PCDHB15: variants seen among roughly 807,000 people sequenced by gnomAD.
The protein encoded by PCDHB15 is protocadherin beta-15.
For missense variants in PCDHB15, 1,032 were observed against 991.7 expected (o/e 1.04, Z -0.55); for synonymous variants, 492 against 447.9 (o/e 1.10, Z -1.24).
rs543178720 is a variant in PCDHB15 at position 141,247,017 on chromosome 5, C to G, written c.1439C>G (p.Ser480Trp). The part of the protein sequence containing the change: ...IGSVSATDRD[S>W]GTNAQVTYSL... The stretch of plus-strand genomic sequence containing the variant: ...AGTGTCAGCGCCACAGACAGAGACT[C>G]GGGCACCAACGCCCAGGTCACCTAC... Residue 480 changes from serine (S) to tryptophan (W), a missense_variant, in exon 1 of 1, where the codon TCG (serine) becomes TGG (tryptophan). By Grantham distance (177) the Ser-to-Trp change is radical. Coordinates refer to ENST00000231173, the MANE Select transcript of PCDHB15 (RefSeq NM_018935.4). 1 of 1,613,508 alleles carries G rather than the reference C, an allele frequency of 6.2e-7. No homozygotes were observed. The highest frequency in any genetic ancestry group is 8.5e-7 in the Non-Finnish European group (1 of 1,180,020).
Position 141,247,814 on chromosome 5 carries a change from T to C in PCDHB15, c.2236T>C (p.Ser746Pro), listed in dbSNP as rs1554292341. The change falls in exon 1 of 1, where the codon TCC becomes CCC. Residue 746 changes from serine to proline, a missense_variant. Transcript: ENST00000231173. ...GGACGTGAGCGGCACCGGGACCCTT[T>C]CCCAGAGCTACCAGTACGAGGTGTG... is the stretch of plus-strand genomic sequence containing the variant. ...LVDVSGTGTL[S>P]QSYQYEVCLT... 6 of 1,614,146 alleles carry C rather than the reference T, an allele frequency of 3.7e-6. No homozygotes were observed. The highest frequency in any genetic ancestry group is 5.1e-6 in the Non-Finnish European group (6 of 1,180,026).
In PCDHB15 at chr5:141,246,683, A is replaced by G. The variant is rs1381269892; in HGVS notation, c.1105A>G (p.Arg369Gly). The G allele has an allele frequency of 6.2e-7, 1 of 1,614,010 alleles. No individual in the cohort carries two copies. Among genetic ancestry groups the G allele is most frequent in the Non-Finnish European group, 8.5e-7 (1 of 1,180,018 alleles). ...TCCAGAGACAGAAGTGGCCCTGTTT[A>G]GGATTAGAGACCGAGACTCTGGGGA... ...NSPETEVALFRIRDRDSGENG... is the reference protein window; with the variant it reads ...NSPETEVALFGIRDRDSGENG... The change falls in exon 1 of 1, where the codon AGG becomes GGG. Residue 369 changes from arginine (R) to glycine (G), a missense_variant. Physicochemically the swap from Arg to Gly is moderately radical, Grantham distance 125. Coordinates refer to ENST00000231173, the MANE Select transcript of PCDHB15 (RefSeq NM_018935.4).
At position 141,248,415 on chromosome 5, in the gene PCDHB15, T is replaced by C. The variant is rs1554292456; in HGVS notation, c.*473T>C. ...AAGCTTCATATTTGGAGTTTTGTTT[T>C]TTCCAATAAGGAGCAACATGGATAA... is the stretch of plus-strand genomic sequence containing the variant. On this transcript the variant is annotated 3_prime_UTR_variant, in exon 1 of 1. Coordinates refer to ENST00000231173, the MANE Select transcript of PCDHB15 (RefSeq NM_018935.4). The C allele has an allele frequency of 6.4e-6, 1 of 155,648 alleles. No homozygotes were observed. The highest frequency in any genetic ancestry group is 2.4e-5 in the African/African-American group (1 of 41,468). The allele number at this position is 155,648 out of a possible 1,614,324, so 9.6% of individuals were successfully genotyped here. A position where few individuals can be genotyped will look rare whatever the true frequency, so the allele number is the denominator to read the frequency against.
In PCDHB15 at chr5:141,245,466, C is replaced by T. The variant is rs77130508; in HGVS notation, c.-113C>T. The T allele has an allele frequency of 1.2e-3, 1,072 of 868,980 alleles. 13 individuals are homozygous for T. In the African/African-American group the frequency reaches 0.017, roughly 13 times the overall value. 53.8% of individuals were successfully genotyped at this position (868,980 alleles called of 1,614,324 possible). A position where few individuals can be genotyped will look rare whatever the true frequency, so the allele number is the denominator to read the frequency against. Reference sequence around the variant, plus strand: ...CAGTGTCTCCGGAGAATGCTATTCTCCTACATTTCCGAACAGGTTATCAAC... The same window carrying T: ...CAGTGTCTCCGGAGAATGCTATTCTTCTACATTTCCGAACAGGTTATCAAC... On this transcript the variant is annotated 5_prime_UTR_variant, in exon 1 of 1. Transcript: ENST00000231173.
In PCDHB15 at chr5:141,245,493, C is replaced by A; in HGVS notation, c.-86C>A. Reference sequence around the variant, plus strand: ...TACATTTCCGAACAGGTTATCAACGCACAGATCGATCACTGCCTCTGTCCC... The same window carrying A: ...TACATTTCCGAACAGGTTATCAACGAACAGATCGATCACTGCCTCTGTCCC... On this transcript the variant is annotated 5_prime_UTR_variant, in exon 1 of 1. Coordinates refer to ENST00000231173, the MANE Select transcript of PCDHB15 (RefSeq NM_018935.4). 8.6e-7 allele frequency: 1 copy of A among 1,165,802 alleles called. No homozygotes were observed. The highest frequency in any genetic ancestry group is 1.2e-6 in the Non-Finnish European group (1 of 809,906). The allele number at this position is 1,165,802 out of a possible 1,614,324, so 72.2% of individuals were successfully genotyped here. A position where few individuals can be genotyped will look rare whatever the true frequency, so the allele number is the denominator to read the frequency against.
Position 141,248,036 on chromosome 5 carries a change from A to C in PCDHB15, c.*94A>C, listed in dbSNP as rs1355743065. On this transcript the variant is annotated 3_prime_UTR_variant, in exon 1 of 1. Coordinates refer to ENST00000231173, the MANE Select transcript of PCDHB15 (RefSeq NM_018935.4). ...TAACCCTTTAGTAATCTTGAATTCT[A>C]CTTTTTTTTAAATTTCTACTGTTGT... 1.6e-6 allele frequency: 2 copies of C among 1,245,038 alleles called. No individual in the cohort carries two copies. The highest frequency in any genetic ancestry group is 2.2e-6 in the Non-Finnish European group (2 of 919,008). 77.1% of individuals were successfully genotyped at this position (1,245,038 alleles called of 1,614,324 possible).
rs782283194 is a variant in PCDHB15, at chr5:141,245,791, C to T, written c.213C>T (p.Asn71=). 1.2e-6 allele frequency: 2 copies of T among 1,614,132 alleles called. No homozygotes were observed. The highest frequency in any genetic ancestry group is 1.3e-5 in the African/African-American group (1 of 75,038). ...GAGCCCGGGTAGTTTCTGAGGATAA[C>T]GAACAAGGCTTGCAGCTTGATCTGC... ...ERGARVVSED[N]EQGLQLDLQT... is the part of the protein sequence containing the mutation. Residue 71 remains asparagine (N), a synonymous_variant, in exon 1 of 1, where the codon AAC becomes AAT. Coordinates refer to ENST00000231173, the MANE Select transcript of PCDHB15 (RefSeq NM_018935.4).
Position 141,248,029 on chromosome 5 carries a change from G to A in PCDHB15, c.*87G>A, listed in dbSNP as rs1322071838. Reference sequence around the variant, plus strand: ...TTTTTTTTAACCCTTTAGTAATCTTGAATTCTACTTTTTTTTAAATTTCTA... The same window carrying A: ...TTTTTTTTAACCCTTTAGTAATCTTAAATTCTACTTTTTTTTAAATTTCTA... On this transcript the variant is annotated 3_prime_UTR_variant, in exon 1 of 1. Coordinates refer to ENST00000231173, the MANE Select transcript of PCDHB15 (RefSeq NM_018935.4). 7.6e-7 allele frequency: 1 copy of A among 1,310,072 alleles called. No individual in the cohort carries two copies. The highest frequency in any genetic ancestry group is 1.0e-6 in the Non-Finnish European group (1 of 971,724). The allele number at this position is 1,310,072 out of a possible 1,614,324, so 81.2% of individuals were successfully genotyped here. A position where few individuals can be genotyped will look rare whatever the true frequency, so the allele number is the denominator to read the frequency against.
rs955351593 is a variant in PCDHB15, at chr5:141,248,667, T to G, written c.*725T>G. 6.6e-5 allele frequency: 10 copies of G among 152,172 alleles called. No individual in the cohort carries two copies. The highest frequency in any genetic ancestry group is 2.4e-4 in the African/African-American group (10 of 41,444). The allele number at this position is 152,172 out of a possible 1,614,324, so 9.4% of individuals were successfully genotyped here. On this transcript the variant is annotated 3_prime_UTR_variant, in exon 1 of 1. Coordinates refer to ENST00000231173, the MANE Select transcript of PCDHB15 (RefSeq NM_018935.4). The stretch of plus-strand genomic sequence containing the variant: ...ATTTACTGTGTTTAAGGTGTTCGTA[T>G]AAGGCCAATAGACACTAGGACCAAG...
rs781984913 is a variant in PCDHB15 at position 141,247,417 on chromosome 5, G to T, written c.1839G>T (p.Gly613=). The change falls in exon 1 of 1, where the codon GGG becomes GGT. Residue 613 remains glycine (G), a synonymous_variant. Transcript: ENST00000231173. ...SYQLLKATEP[G]LFGVWAHNGE... is the part of the protein sequence containing the mutation. ...AGCTGCTCAAGGCCACGGAGCCCGG[G>T]CTGTTCGGCGTGTGGGCGCACAATG... 182 of 1,605,740 alleles carry T rather than the reference G, an allele frequency of 1.1e-4. No homozygotes were observed. Among genetic ancestry groups the T allele is most frequent in the Middle Eastern group, 1.1e-3 (5 of 4,452 alleles).
chr5:141,246,988 C>T lies in PCDHB15; in HGVS notation c.1410C>T (p.Ile470=), dbSNP rs782099700. 5.6e-6 allele frequency: 9 copies of T among 1,613,392 alleles called. No homozygotes were observed. The highest frequency in any genetic ancestry group is 3.3e-5 in the Admixed American group (2 of 60,032). ...VRENNSPALH[I]GSVSATDRDS... The stretch of plus-strand genomic sequence containing the variant: ...AGAACAACAGCCCCGCCCTGCACAT[C>T]GGCAGTGTCAGCGCCACAGACAGAG... Residue 470 remains isoleucine (I), a synonymous_variant, in exon 1 of 1, where the codon ATC becomes ATT. Transcript: ENST00000231173.
rs914767850 is a variant in PCDHB15, at chr5:141,249,319, T to A, written c.*1377T>A. 1.4e-3 allele frequency: 206 copies of A among 152,378 alleles called. No homozygotes were observed. Among genetic ancestry groups the A allele is most frequent in the African/African-American group, 4.3e-3 (177 of 41,588 alleles). The allele number at this position is 152,378 out of a possible 1,614,324, so 9.4% of individuals were successfully genotyped here. On this transcript the variant is annotated 3_prime_UTR_variant, in exon 1 of 1. Coordinates refer to ENST00000231173, the MANE Select transcript of PCDHB15 (RefSeq NM_018935.4). ...GATTTTGGACTTGTCCAGCCACGTT[T>A]CAAAACTGAGTAAGTCACTTCCTTG...
rs1755241930 is a variant in PCDHB15 at position 141,245,786 on chromosome 5, G to A, written c.208G>A (p.Asp70Asn). 6.2e-7 allele frequency: 1 copy of A among 1,614,090 alleles called. No homozygotes were observed. The highest frequency in any genetic ancestry group is 1.3e-5 in the African/African-American group (1 of 74,938). Residue 70 changes from aspartate to asparagine, a missense_variant, in exon 1 of 1, where the codon GAT (aspartate) becomes AAT (asparagine). By Grantham distance (23) the Asp-to-Asn change is conservative (BLOSUM62 1). Coordinates refer to ENST00000231173, the MANE Select transcript of PCDHB15 (RefSeq NM_018935.4). ...GCGGGGAGCCCGGGTAGTTTCTGAG[G>A]ATAACGAACAAGGCTTGCAGCTTGA... ...AERGARVVSE[D>N]NEQGLQLDLQ... is the part of the protein sequence containing the mutation.
At position 141,247,909 on chromosome 5, in the gene PCDHB15, G is replaced by A. The variant is rs782205968; in HGVS notation, c.2331G>A (p.Gln777=). ...LKPIFPNIVS[Q]DSRRKSEFLE ...CTATATTCCCAAATATTGTAAGCCA[G>A]GACTCTAGGAGGAAATCAGAATTTC... The change falls in exon 1 of 1, where the codon CAG becomes CAA. Residue 777 remains glutamine (Q), a synonymous_variant. Coordinates refer to ENST00000231173, the MANE Select transcript of PCDHB15 (RefSeq NM_018935.4). The A allele has an allele frequency of 1.2e-6, 2 of 1,611,754 alleles. No homozygotes were observed.
chr5:141,247,966 C>A lies in PCDHB15; in HGVS notation c.*24C>A, dbSNP rs375286759. The A allele has an allele frequency of 3.3e-6, 5 of 1,535,420 alleles. No homozygotes were observed. The highest frequency in any genetic ancestry group is 4.4e-6 in the Non-Finnish European group (5 of 1,142,742). On this transcript the variant is annotated 3_prime_UTR_variant, in exon 1 of 1. Coordinates refer to ENST00000231173, the MANE Select transcript of PCDHB15 (RefSeq NM_018935.4). Reference sequence around the variant, plus strand: ...AATGTAGGTATCTGTAGCTTTCCGACCGTCTGTTAATTTTGTCTTCCTCAC... The same window carrying A: ...AATGTAGGTATCTGTAGCTTTCCGAACGTCTGTTAATTTTGTCTTCCTCAC...
In PCDHB15 at chr5:141,246,891, C is replaced by T. The variant is rs781875576; in HGVS notation, c.1313C>T (p.Thr438Ile). The T allele has an allele frequency of 1.4e-5, 23 of 1,613,920 alleles. No individual in the cohort carries two copies. Among genetic ancestry groups the T allele is most frequent in the Non-Finnish European group, 1.9e-5 (23 of 1,180,050 alleles). ...AGGCTGAAAACCGAGCAGAGCATAA[C>T]CGTGCTGGTGTCGGACGTCAATGAC... ...TPRLKTEQSITVLVSDVNDNA... is the reference protein window; with the variant it reads ...TPRLKTEQSIIVLVSDVNDNA... The change falls in exon 1 of 1, where the codon ACC (threonine) becomes ATC (isoleucine). Residue 438 changes from threonine to isoleucine, a missense_variant. Thr to Ile is a moderately conservative substitution (Grantham distance 89, BLOSUM62 -1). Coordinates refer to ENST00000231173, the MANE Select transcript of PCDHB15 (RefSeq NM_018935.4).
rs144256173 is a variant in PCDHB15 at position 141,245,971 on chromosome 5, T to C, written c.393T>C (p.Pro131=). The stretch of plus-strand genomic sequence containing the variant: ...TGACAGACATAAACGATCATTCTCC[T>C]GAGTTTCCTGAAAGAGAAATGACCC... ...LLVTDINDHS[P]EFPEREMTLK... Residue 131 remains proline (P), a synonymous_variant, in exon 1 of 1, where the codon CCT becomes CCC. Coordinates refer to ENST00000231173, the MANE Select transcript of PCDHB15 (RefSeq NM_018935.4). The C allele has an allele frequency of 1.6e-4, 257 of 1,614,034 alleles. No individual in the cohort carries two copies. Among genetic ancestry groups the C allele is most frequent in the Non-Finnish European group, 2.0e-4 (240 of 1,180,048 alleles).
rs367781407 is a variant in PCDHB15, at chr5:141,247,873, G to T, written c.2295G>T (p.Lys765Asn). ...LTGGSESNDF[K>N]FLKPIFPNIV... Reference sequence around the variant, plus strand: ...GAGGCTCTGAAAGTAATGATTTCAAGTTCTTGAAGCCTATATTCCCAAATA... The same window carrying T: ...GAGGCTCTGAAAGTAATGATTTCAATTTCTTGAAGCCTATATTCCCAAATA... The change falls in exon 1 of 1, where the codon AAG (lysine) becomes AAT (asparagine). Residue 765 changes from lysine to asparagine, a missense_variant. Coordinates refer to ENST00000231173, the MANE Select transcript of PCDHB15 (RefSeq NM_018935.4). 1 of 1,614,076 alleles carries T rather than the reference G, an allele frequency of 6.2e-7. No individual in the cohort carries two copies. Among genetic ancestry groups the T allele is most frequent in the Non-Finnish European group, 8.5e-7 (1 of 1,180,030 alleles).
chr5:141,246,616 A>G lies in PCDHB15; in HGVS notation c.1038A>G (p.Glu346=), dbSNP rs782049113. 6.8e-6 allele frequency: 11 copies of G among 1,614,074 alleles called. No individual in the cohort carries two copies. In the Admixed American group the frequency reaches 8.3e-5, roughly 12 times the overall value. ...KVLDVNDNFP[E]LSISSLTSPI... Reference sequence around the variant, plus strand: ...TGGATGTTAACGATAACTTCCCGGAACTAAGTATTTCATCACTTACCAGCC... The same window carrying G: ...TGGATGTTAACGATAACTTCCCGGAGCTAAGTATTTCATCACTTACCAGCC... Residue 346 remains glutamate, a synonymous_variant, in exon 1 of 1, where the codon GAA becomes GAG. Coordinates refer to ENST00000231173, the MANE Select transcript of PCDHB15 (RefSeq NM_018935.4).
Sources: allele counts gnomAD v4.1 joint callset, GRCh38; gene constraint gnomAD v4.1.1; transcripts MANE v1.5; gene names NCBI Gene and HGNC (gene_info 2026-07-23, HGNC 2026-07-21).